Variants in RIMS1 observed in about 807,000 individuals in gnomAD.
RIMS1 encodes the protein regulating synaptic membrane exocytosis 1, also known as regulating synaptic membrane exocytosis protein 1.
Under a neutral mutation model 214.1 loss-of-function variants are expected in RIMS1, and 83 were observed. The ratio of observed to expected loss-of-function variants is 0.39; its 90% CI spans 0.32 to 0.47. The LOEUF (loss-of-function observed/expected upper bound fraction) is 0.47. RIMS1 is among the 20% of genes least tolerant of loss of function. The probability of loss-of-function intolerance (pLI) is 0.99; values close to 1 mark genes in which losing one functional copy is unlikely to be tolerated. For missense variants in RIMS1, 2,050 were observed against 2,161.8 expected (o/e 0.95, Z 1.03); for synonymous variants, 793 against 786.8 (o/e 1.01, Z -0.13).
chr6:72,181,531 A>C (rs2048399389), intron 5 of RIMS1, among the ~76,000 whole-genome samples: 1 of 152,208 alleles, frequency 6.6e-6, no homozygotes, highest in African/African-American at 2.4e-5. Context: ...ATAGTGAAAA[A>C]CTATAAAAAT....
At chr6:71,974,009 G>A (rs563352996) in intron 2 of RIMS1, among the ~76,000 whole-genome samples, 2 of 152,240 alleles carry the variant, frequency 1.3e-5, no homozygotes, top group East Asian at 3.9e-4. Flanking sequence ...GGCATATCTG[G>A]GGAGGTGTTG....
At chr6:71,976,478 A>C (rs189829786) in intron 2 of RIMS1, among the ~76,000 whole-genome samples, 1 of 152,276 alleles carries the variant, frequency 6.6e-6, no homozygotes, top group African/African-American at 2.4e-5. Context: ...AGTGTTCTTC[A>C]CATGTAATGG....
intron 1 of RIMS1, among the ~76,000 whole-genome samples, chr6:71,899,022 G>A (rs1183622251): frequency 6.6e-6 from 1 of 151,794 alleles, no homozygotes; most frequent in African/African-American, 2.4e-5. Context: ...TTTGAATTTG[G>A]TTTTATTAAG....
At chr6:71,950,145 C>G (rs892837950) in intron 1 of RIMS1, among the ~76,000 whole-genome samples, 1 of 152,072 alleles carries the variant, frequency 6.6e-6, no homozygotes, top group Non-Finnish European at 1.5e-5. Context: ...ACTTGACACT[C>G]TAGAAAGGGC....
intron 2 of RIMS1, among the ~76,000 whole-genome samples, chr6:72,083,953 T>C (rs1834030876): frequency 6.6e-6 from 1 of 152,186 alleles, no homozygotes; most frequent in African/African-American, 2.4e-5. Flanking sequence ...TTGTATAATG[T>C]AGTTGGGTTG....
chr6:72,091,625 A>G (rs1251609617), intron 2 of RIMS1, among the ~76,000 whole-genome samples: 3 of 152,132 alleles, frequency 2.0e-5, no homozygotes, highest in Admixed American at 2.0e-4. Flanking sequence ...CTTTTTTACA[A>G]ATTGAATTTT....
In RIMS1 at chr6:71,904,562, C is replaced by T. The variant is rs554087720; in HGVS notation, c.164+17375C>T. On this transcript the variant is annotated intron_variant, in intron 1 of 33. Transcript: ENST00000521978. ...TCCTGACATCTGGAGGAGTAAGACC[C>T]CAGCCTCGCAATGGACATCTGGGCT... Among the ~76,000 whole-genome samples the T allele has an allele frequency of 7.2e-5, 11 of 152,192 alleles. No homozygotes were observed. In the South Asian group the frequency reaches 2.3e-3, roughly 32 times the overall value.
At chr6:72,171,374 G>GTA (rs1008012319) in intron 4 of RIMS1, among the ~76,000 whole-genome samples, 28 of 149,238 alleles carry the variant, frequency 1.9e-4, no homozygotes, top group African/African-American at 5.9e-4. Flanking sequence ...ATATATATGT[G>GTA]TATATATATA....
At chr6:72,086,151 GT>G (rs2153785063) in intron 2 of RIMS1, among the ~76,000 whole-genome samples, 1 of 152,250 alleles carries the variant, frequency 6.6e-6, no homozygotes, top group South Asian at 2.1e-4. Context: ...GAAAACCTTG[GT>G]TTTAAGCTTG....
At chr6:72,305,311 A>G (rs536662311) in intron 26 of RIMS1, among the ~76,000 whole-genome samples, 2 of 152,182 alleles carry the variant, frequency 1.3e-5, no homozygotes, top group South Asian at 2.1e-4. Flanking sequence ...ACTAAAAGTG[A>G]AGCTTGCAAA....
chr6:71,886,845 C>A lies in RIMS1; in HGVS notation c.-179C>A, dbSNP rs1767894437. The A allele has an allele frequency of 7.6e-6, 5 of 659,370 alleles. No individual in the cohort carries two copies. The highest frequency in any genetic ancestry group is 1.0e-5 in the Non-Finnish European group (4 of 384,888). 40.8% of individuals were successfully genotyped at this position (659,370 alleles called of 1,614,324 possible). On this transcript the variant is annotated 5_prime_UTR_variant, in exon 1 of 34. In the 5' UTR this introduces an upstream ATG that the reference lacks. Transcript: ENST00000521978. Reference sequence around the variant, plus strand: ...GGTGGATGCAAACAACCATGAAAGACTGGGTTCTCGCTCTCCCCGGCTCTG... The same window carrying A: ...GGTGGATGCAAACAACCATGAAAGAATGGGTTCTCGCTCTCCCCGGCTCTG...
At chr6:72,208,964 G>C (rs749359853) in intron 6 of RIMS1, among the ~76,000 whole-genome samples, 4 of 151,514 alleles carry the variant, frequency 2.6e-5, no homozygotes, top group Non-Finnish European at 5.9e-5. Flanking sequence ...GGAAGCTTTA[G>C]GGCTCTGTAG....
chr6:71,894,889 G>C (rs941904002), intron 1 of RIMS1, among the ~76,000 whole-genome samples: 4 of 152,236 alleles, frequency 2.6e-5, no homozygotes, highest in African/African-American at 9.6e-5. Context: ...ATGAATGAAA[G>C]ATATTTTGTG....
intron 2 of RIMS1, among the ~76,000 whole-genome samples, chr6:72,003,624 G>A (rs1806159021): frequency 6.6e-6 from 1 of 151,902 alleles, no homozygotes; most frequent in Non-Finnish European, 1.5e-5. Flanking sequence ...GTGTGTGTGT[G>A]TGTGTCTGTG....
At chr6:72,090,179 A>T (rs528102939) in intron 2 of RIMS1, among the ~76,000 whole-genome samples, 150 of 151,994 alleles carry the variant, frequency 9.9e-4, no homozygotes, top group South Asian at 4.2e-3. Flanking sequence ...ATAAAAAAAA[A>T]TTTTTTTTAT....
chr6:71,936,104 A>T (rs1448127862), intron 1 of RIMS1, among the ~76,000 whole-genome samples: 3 of 151,810 alleles, frequency 2.0e-5, no homozygotes, highest in African/African-American at 7.3e-5. Flanking sequence ...TAATCCCAGC[A>T]CTTTGGGAAG....
intron 3 of RIMS1, among the ~76,000 whole-genome samples, chr6:72,098,100 G>A (rs909244354): frequency 6.6e-6 from 1 of 151,930 alleles, no homozygotes; most frequent in East Asian, 1.9e-4. Context: ...ATTATAATAC[G>A]AAGTCATGTT....
rs57226234 is a variant in RIMS1 at position 71,954,846 on chromosome 6, GCA to G, written c.165-14115_165-14114del. ...TAAAACATCACAATACCACTCCTCA[GCA>G]CACACACACACACACACACACTCCA... On this transcript the variant is annotated intron_variant, in intron 1 of 33. Transcript: ENST00000521978. Among the ~76,000 whole-genome samples, 618 of 144,640 alleles carry G rather than the reference GCA, an allele frequency of 4.3e-3. 3 individuals are homozygous for G. The highest frequency in any genetic ancestry group is 0.018 in the Middle Eastern group (5 of 272). The allele number at this position is 144,640 out of a possible 152,430, so 94.9% of individuals were successfully genotyped here. A position where few individuals can be genotyped will look rare whatever the true frequency, so the allele number is the denominator to read the frequency against.
At chr6:72,319,565 A>G (rs2096029802) in intron 28 of RIMS1, among the ~76,000 whole-genome samples, 1 of 152,158 alleles carries the variant, frequency 6.6e-6, no homozygotes, top group Non-Finnish European at 1.5e-5. Context: ...CTTTTGACTC[A>G]GATGTGAATC....
Sources: gnomAD v4.1 joint callset for allele counts (sites outside exome capture counted in the v4.1 genomes callset) on GRCh38, gnomAD v4.1.1 for gene constraint, MANE v1.5 for transcripts, NCBI Gene and HGNC (gene_info 2026-07-23, HGNC 2026-07-21) for gene names.